The following GAD1 variants were observed in gnomAD, a reference collection of about 807,000 sequenced individuals.
GAD1 encodes 67 kDa glutamic acid decarboxylase.
A neutral mutation model predicts 75.2 loss-of-function variants in GAD1; 35 were observed. The observed-to-expected ratio is 0.47, with a 90% CI of 0.36 to 0.62. The LOEUF (loss-of-function observed/expected upper bound fraction) is 0.62, where lower values mean the gene tolerates loss of function less well. GAD1 is among the 20% of genes least tolerant of loss of function. The probability of loss-of-function intolerance (pLI) is 0.00; values close to 1 mark genes in which losing one functional copy is unlikely to be tolerated. For missense variants in GAD1, 490 were observed against 758.5 expected, an observed-to-expected ratio of 0.65 and a Z score of 4.16; for synonymous variants, 257 against 271.9, an observed-to-expected ratio of 0.95 and a Z score of 0.54.
upstream of GAD1, among the ~76,000 whole-genome samples, chr2:170,814,255 A>C (rs569123818): frequency 1.3e-5 from 2 of 152,328 alleles, no homozygotes; most frequent in South Asian, 4.1e-4. Flanking sequence ...AACAAACAGC[A>C]GTTACTGTCA....
Position 170,836,801 on chromosome 2 carries a change from C to T in GAD1, c.556C>T (p.Arg186Ter). Residue 186 changes from arginine (R) to a stop codon, truncating the protein, a stop_gained, in exon 6 of 17, where the codon CGA becomes TGA. Transcript: ENST00000358196. LOFTEE classifies it high-confidence loss of function. The part of the protein sequence containing the change: ...LKYGVRTGHP[R>*]FFNQLSTGLD... ...TTCTGTTTCCTATCTAGGTCATCCT[C>T]GATTTTTCAACCAGCTCTCCACTGG... The T allele has an allele frequency of 1.2e-6, 2 of 1,613,304 alleles. No homozygotes were observed.
At chr2:170,859,319 T>C (rs1034033194) in intron 16 of GAD1, among the ~76,000 whole-genome samples, 2 of 152,226 alleles carry the variant, frequency 1.3e-5, no homozygotes, top group African/African-American at 4.8e-5. Flanking sequence ...AGATTATATT[T>C]AATTTATATA....
chr2:170,843,767 G>A, intron 6 of GAD1: 1 of 429,540 alleles, frequency 2.3e-6, no homozygotes, highest in African/African-American at 2.0e-5. Context: ...TCCTCTGGGT[G>A]GACCATGCCT....
intron 5 of GAD1, among the ~76,000 whole-genome samples, chr2:170,832,693 C>T (rs889881833): frequency 2.0e-5 from 3 of 151,428 alleles, no homozygotes; most frequent in Non-Finnish European, 4.4e-5. Flanking sequence ...CACACACACA[C>T]ACATACACAC....
intron 5 of GAD1, 84 bp downstream of exon 5, chr2:170,831,276 G>A (rs1702216721): frequency 2.7e-6 from 4 of 1,485,078 alleles, no homozygotes; most frequent in South Asian, 1.1e-5. Flanking sequence ...TCAAACTTGT[G>A]TTGGAAGAAA....
intron 5 of GAD1, among the ~76,000 whole-genome samples, chr2:170,832,861 A>T (rs1174314883): frequency 6.6e-6 from 1 of 152,116 alleles, no homozygotes; most frequent in South Asian, 2.1e-4. Context: ...TTGCTTTCCA[A>T]TTGCCTCCAG....
At chr2:170,852,870 T>G in intron 13 of GAD1, 78 bp downstream of exon 13, 1 of 1,249,836 alleles carries the variant, frequency 8.0e-7, no homozygotes, top group Non-Finnish European at 1.2e-6. Context: ...GGGGTCTCTT[T>G]GCAGTACTTG....
chr2:170,845,485 A>G, intron 7 of GAD1, 21 bp from the exon 8 acceptor site: 1 of 1,601,786 alleles, frequency 6.2e-7, no homozygotes, highest in Non-Finnish European at 8.5e-7. Flanking sequence ...AACACCTCCC[A>G]ATATGTCCGC....
At chr2:170,817,934 G>A in intron 1 of GAD1, 1 of 152,912 alleles carries the variant, frequency 6.5e-6, no homozygotes, top group Non-Finnish European at 1.5e-5. Flanking sequence ...GTCCGAGGGA[G>A]AACGTAAAGA....
chr2:170,857,991 T>A (rs1424580216), intron 15 of GAD1, among the ~76,000 whole-genome samples: 4 of 152,192 alleles, frequency 2.6e-5, no homozygotes, highest in Non-Finnish European at 5.9e-5. Context: ...CAGTCAACAT[T>A]ATTCTATTTA....
intron 6 of GAD1, among the ~76,000 whole-genome samples, chr2:170,840,139 T>C (rs1332777723): frequency 6.6e-6 from 1 of 152,188 alleles, no homozygotes; most frequent in African/African-American, 2.4e-5. Flanking sequence ...ATCAGGAAAA[T>C]GGAGGATAAT....
At chr2:170,855,292 T>C (rs1702827644) in intron 14 of GAD1, among the ~76,000 whole-genome samples, 1 of 148,930 alleles carries the variant, frequency 6.7e-6, no homozygotes, top group South Asian at 2.2e-4. Flanking sequence ...CCCTGCAACC[T>C]CCGTCTCCCA....
At position 170,860,012 on chromosome 2, in the gene GAD1, T is replaced by G; in HGVS notation, c.*130T>G. ...AAACATAATATCTTGAAGAATATTG[T>G]TAAAACCTTACTTAAAGCTTGTTTG... On this transcript the variant is annotated 3_prime_UTR_variant, in exon 17 of 17. Coordinates refer to ENST00000358196, the MANE Select transcript of GAD1 (RefSeq NM_000817.3). 2.2e-6 allele frequency: 2 copies of G among 889,908 alleles called. No homozygotes were observed. The highest frequency in any genetic ancestry group is 3.6e-6 in the Non-Finnish European group (2 of 558,530). The allele number at this position is 889,908 out of a possible 1,614,324, so 55.1% of individuals were successfully genotyped here.
rs780406848 is a variant in GAD1, at chr2:170,834,000, C to CAA, written c.548-2781_548-2780dup. ...CCTGGGTGACAGCAGGACCCTGTTTCAAAAAAAAAAAAAGAGAGAGAGAGA... is the reference window on the plus strand; with the variant it reads ...CCTGGGTGACAGCAGGACCCTGTTTCAAAAAAAAAAAAAAAGAGAGAGAGAGA... On this transcript the variant is annotated intron_variant, in intron 5 of 16. Coordinates refer to ENST00000358196, the MANE Select transcript of GAD1 (RefSeq NM_000817.3). Among the ~76,000 whole-genome samples, 1,297 of 137,512 alleles carry CAA rather than the reference C, an allele frequency of 9.4e-3. 15 individuals are homozygous for CAA. Among genetic ancestry groups the CAA allele is most frequent in the African/African-American group, 0.033 (1,222 of 36,862 alleles). 90.2% of individuals were successfully genotyped at this position (137,512 alleles called of 152,430 possible).
chr2:170,815,290 C>T (rs186365945), upstream of GAD1, among the ~76,000 whole-genome samples: 1 of 152,098 alleles, frequency 6.6e-6, no homozygotes, highest in Non-Finnish European at 1.5e-5. Flanking sequence ...CCGCGCGCCC[C>T]GCCGTTTAGG....
At chr2:170,846,106 C>T (rs1409084520) in intron 10 of GAD1, 43 bp downstream of exon 10, 1 of 1,482,848 alleles carries the variant, frequency 6.7e-7, no homozygotes, top group Admixed American at 1.7e-5. Context: ...TTTAAAATAC[C>T]TTCTTTCTGT....
chr2:170,857,715 TAG>T (rs1702880859), intron 15 of GAD1, among the ~76,000 whole-genome samples: 1 of 152,226 alleles, frequency 6.6e-6, no homozygotes, highest in Non-Finnish European at 1.5e-5. Context: ...CTACTTAACA[TAG>T]ACTCATAAGG....
At chr2:170,826,372 G>A (rs1366285459) in intron 3 of GAD1, among the ~76,000 whole-genome samples, 1 of 151,896 alleles carries the variant, frequency 6.6e-6, no homozygotes, top group African/African-American at 2.4e-5. Context: ...TTTGAGACCA[G>A]CCTGACCAAC....
intron 7 of GAD1, 123 bp from the exon 8 acceptor site, chr2:170,845,383 A>C: frequency 1.2e-6 from 1 of 849,198 alleles, no homozygotes; most frequent in East Asian, 2.5e-5. Context: ...AGCAAAACCT[A>C]TCAGGATATT....
Sources: gnomAD v4.1 joint callset for allele counts (sites outside exome capture counted in the v4.1 genomes callset) on GRCh38, gnomAD v4.1.1 for gene constraint, MANE v1.5 for transcripts, NCBI Gene and HGNC (gene_info 2026-07-23, HGNC 2026-07-21) for gene names.